TNFRSF8: variants seen among roughly 807,000 people sequenced by gnomAD.
TNFRSF8 encodes tumor necrosis factor receptor superfamily member 8.
Under a neutral mutation model 70.8 loss-of-function variants are expected in TNFRSF8, and 26 were observed. The ratio of observed to expected loss-of-function variants is 0.37; its 90% CI spans 0.27 to 0.51. The LOEUF is 0.51. TNFRSF8 is among the 20% of genes least tolerant of loss of function. TNFRSF8 has a pLI of 0.94. For missense variants in TNFRSF8, 720 were observed against 807.9 expected (o/e 0.89, Z 1.32); for synonymous variants, 356 against 339.2 (o/e 1.05, Z -0.54).
intron 3 of TNFRSF8, 32 bp downstream of exon 3, chr1:12,097,249 T>C (rs1641347359): frequency 6.4e-7 from 1 of 1,551,514 alleles, no homozygotes. Flanking sequence ...CAGGGCCTCC[T>C]TCTAGGGAGC....
intron 12 of TNFRSF8, among the ~76,000 whole-genome samples, chr1:12,131,266 A>G (rs909033747): frequency 2.0e-5 from 3 of 152,140 alleles, no homozygotes; most frequent in Admixed American, 2.0e-4. Flanking sequence ...CCTGGCCAAC[A>G]AGACAAAACC....
At chr1:12,135,202 G>C (rs12120732) in intron 12 of TNFRSF8, among the ~76,000 whole-genome samples, 1 of 151,910 alleles carries the variant, frequency 6.6e-6, no homozygotes, top group African/African-American at 2.4e-5. Flanking sequence ...TATAATCCCA[G>C]CTATTCGGGA....
In TNFRSF8 at chr1:12,141,416, C is replaced by T. The variant is rs528490980; in HGVS notation, c.1544-871C>T. On this transcript the variant is annotated intron_variant, in intron 14 of 14. Coordinates refer to ENST00000263932, the MANE Select transcript of TNFRSF8 (RefSeq NM_001243.5). This position sits in a 1 kb window ranked among gnomAD's most constrained non-coding sequence, Gnocchi z 5.4. Reference sequence around the variant, plus strand: ...ATGTCCCCTCTATCAGAAGGCCACACCAGAAGCCCCCACATCAGACTGTGG... The same window carrying T: ...ATGTCCCCTCTATCAGAAGGCCACATCAGAAGCCCCCACATCAGACTGTGG... Among the ~76,000 whole-genome samples the T allele has an allele frequency of 7.9e-5, 12 of 152,364 alleles. No homozygotes were observed. In the South Asian group the frequency reaches 2.5e-3, roughly 32 times the overall value.
chr1:12,114,710 TTTTTTTTTTTTTTA>T (rs1264690547), intron 7 of TNFRSF8, among the ~76,000 whole-genome samples: 3 of 138,676 alleles, frequency 2.2e-5, no homozygotes, highest in African/African-American at 8.4e-5. Context: ...TTTTTTTTTT[TTTTTTTTTTTTTTA>T]AATAGACAGA....
At chr1:12,136,136 A>C (rs573009726) in intron 13 of TNFRSF8, among the ~76,000 whole-genome samples, 2 of 151,998 alleles carry the variant, frequency 1.3e-5, no homozygotes, top group South Asian at 4.1e-4. Flanking sequence ...TTCATACATT[A>C]AGAAGGGTTT....
At position 12,108,641 on chromosome 1, in the gene TNFRSF8, C is replaced by T. The variant is rs1310173469; in HGVS notation, c.422-925C>T. ...TTCGAGACCAGCCTGGCCAACATGG[C>T]GAAACCCTGTCTCTACTAAAAATTA... is the stretch of plus-strand genomic sequence containing the variant. On this transcript the variant is annotated intron_variant, in intron 4 of 14. Transcript: ENST00000263932. This position sits in a 1 kb window ranked among gnomAD's most constrained non-coding sequence, Gnocchi z 4.0. Among the ~76,000 whole-genome samples, 17 of 152,006 alleles carry T rather than the reference C, an allele frequency of 1.1e-4. No homozygotes were observed. The highest frequency in any genetic ancestry group is 2.9e-4 in the African/African-American group (12 of 41,398).
In TNFRSF8 at chr1:12,141,813, C is replaced by A. The variant is rs1041241494; in HGVS notation, c.1544-474C>A. On this transcript the variant is annotated intron_variant, in intron 14 of 14. Coordinates refer to ENST00000263932, the MANE Select transcript of TNFRSF8 (RefSeq NM_001243.5). The surrounding 1 kb of genome is among the most constrained non-coding windows in gnomAD (Gnocchi z 5.4). ...TGGGGGATTTCTCCTAACTACGTGG[C>A]GACCTTGGGCAGGTCATTTAACCTC... 6.6e-6 allele frequency among the ~76,000 whole-genome samples: 1 copy of A among 152,118 alleles called. No homozygotes were observed. Among genetic ancestry groups the A allele is most frequent in the Non-Finnish European group, 1.5e-5 (1 of 68,018 alleles).
chr1:12,112,741 C>T lies in TNFRSF8; in HGVS notation c.793+727C>T, dbSNP rs899516455. 3.3e-5 allele frequency among the ~76,000 whole-genome samples: 5 copies of T among 152,146 alleles called. No individual in the cohort carries two copies. The highest frequency in any genetic ancestry group is 5.9e-5 in the Non-Finnish European group (4 of 68,024). On this transcript the variant is annotated intron_variant, in intron 7 of 14. Transcript: ENST00000263932. This position sits in a 1 kb window ranked among gnomAD's most constrained non-coding sequence, Gnocchi z 5.3. ...ACTTACTGAGTGCACAGACACAGCA[C>T]GATGCAGGTGTGGGGCTTCCCTGTG...
Position 12,110,827 on chromosome 1 carries a change from A to T in TNFRSF8, c.676+623A>T, listed in dbSNP as rs1641616397. On this transcript the variant is annotated intron_variant, in intron 6 of 14. Coordinates refer to ENST00000263932, the MANE Select transcript of TNFRSF8 (RefSeq NM_001243.5). This position sits in a 1 kb window ranked among gnomAD's most constrained non-coding sequence, Gnocchi z 4.0. ...TGGTCAGGCTGGTCTCGAACTCCCGACCTCAGGTGATCCGCCCACCTCGGC... is the reference window on the plus strand; with the variant it reads ...TGGTCAGGCTGGTCTCGAACTCCCGTCCTCAGGTGATCCGCCCACCTCGGC... Among the ~76,000 whole-genome samples the T allele has an allele frequency of 6.6e-6, 1 of 150,942 alleles. No individual in the cohort carries two copies. The highest frequency in any genetic ancestry group is 1.5e-5 in the Non-Finnish European group (1 of 67,892).
At chr1:12,131,535 A>G (rs985260190) in intron 12 of TNFRSF8, among the ~76,000 whole-genome samples, 52 of 152,062 alleles carry the variant, frequency 3.4e-4, no homozygotes, top group Non-Finnish European at 1.3e-4. Context: ...TTTTGGAGAC[A>G]GGGTGTCACT....
chr1:12,138,156 AG>A lies in TNFRSF8; in HGVS notation c.1336-69del. On this transcript the variant is annotated intron_variant, in intron 13 of 14. Coordinates refer to ENST00000263932, the MANE Select transcript of TNFRSF8 (RefSeq NM_001243.5). This position sits in a 1 kb window ranked among gnomAD's most constrained non-coding sequence, Gnocchi z 5.7. Reference sequence around the variant, plus strand: ...GGGGTCTGTAGAGATGAAAAAAAAAAGGGGCCTCCCAGTTCAGAGACTGGTG... The same window carrying A: ...GGGGTCTGTAGAGATGAAAAAAAAAAGGGCCTCCCAGTTCAGAGACTGGTG... 1 of 1,485,736 alleles carries A rather than the reference AG, an allele frequency of 6.7e-7. No individual in the cohort carries two copies. The allele number at this position is 1,485,736 out of a possible 1,614,324, so 92.0% of individuals were successfully genotyped here.
rs988360512 is a variant in TNFRSF8 at position 12,092,994 on chromosome 1, C to T, written c.152-4107C>T. On this transcript the variant is annotated intron_variant, in intron 2 of 14. Transcript: ENST00000263932. ...CTAATTTTTGTATTTTTAGTAGAGACGGGGTTTCGCTATGTTGGCCAGGGT... is the reference window on the plus strand; with the variant it reads ...CTAATTTTTGTATTTTTAGTAGAGATGGGGTTTCGCTATGTTGGCCAGGGT... 4.3e-4 allele frequency among the ~76,000 whole-genome samples: 66 copies of T among 151,954 alleles called. 1 individual carries two copies. The highest frequency in any genetic ancestry group is 1.0e-4 in the Non-Finnish European group (7 of 67,978).
intron 14 of TNFRSF8, among the ~76,000 whole-genome samples, chr1:12,139,881 C>T (rs1642221475): frequency 6.6e-6 from 1 of 152,234 alleles, no homozygotes; most frequent in Non-Finnish European, 1.5e-5. Flanking sequence ...AGGTGATCTG[C>T]CTGCCTTGGC....
rs185286162 is a variant in TNFRSF8, at chr1:12,140,572, C to T, written c.1544-1715C>T. Among the ~76,000 whole-genome samples, 617 of 152,284 alleles carry T rather than the reference C, an allele frequency of 4.1e-3. 5 individuals are homozygous for T. The highest frequency in any genetic ancestry group is 0.014 in the African/African-American group (574 of 41,552). ...TAGGCAGCCTGTGATGGGGGCAGAG[C>T]CAGAGCGGGGCAGACCCCTCATGGC... On this transcript the variant is annotated intron_variant, in intron 14 of 14. Coordinates refer to ENST00000263932, the MANE Select transcript of TNFRSF8 (RefSeq NM_001243.5).
intron 2 of TNFRSF8, among the ~76,000 whole-genome samples, chr1:12,084,872 G>A (rs781650336): frequency 6.6e-5 from 10 of 152,126 alleles, no homozygotes; most frequent in Non-Finnish European, 1.0e-4. Flanking sequence ...ATCTCATTAA[G>A]TGCTTGCAAT....
chr1:12,087,864 C>G (rs756868845), intron 2 of TNFRSF8, among the ~76,000 whole-genome samples: 4 of 152,186 alleles, frequency 2.6e-5, no homozygotes, highest in Non-Finnish European at 4.4e-5. Context: ...CTCCCCACTT[C>G]CCCTCTCTAA....
intron 8 of TNFRSF8, among the ~76,000 whole-genome samples, chr1:12,118,106 T>TC (rs141071764): frequency 0.036 from 4,692 of 130,504 alleles, 222 homozygotes; most frequent in East Asian, 0.26. Flanking sequence ...AGCATAACCC[T>TC]CCCCCCCCAC....
Position 12,110,265 on chromosome 1 carries a change from T to C in TNFRSF8, c.676+61T>C, listed in dbSNP as rs1432503838. ...GGGTGCTCGATTGGTGGATGGCCCA[T>C]GAGTGGGGGTGTTTGGAGCAGGCGG... On this transcript the variant is annotated intron_variant, in intron 6 of 14. Coordinates refer to ENST00000263932, the MANE Select transcript of TNFRSF8 (RefSeq NM_001243.5). The surrounding 1 kb of genome is among the most constrained non-coding windows in gnomAD (Gnocchi z 4.0). The C allele has an allele frequency of 1.8e-5, 26 of 1,482,946 alleles. No individual in the cohort carries two copies. Among genetic ancestry groups the C allele is most frequent in the Admixed American group, 2.2e-5 (1 of 45,642 alleles). The allele number at this position is 1,482,946 out of a possible 1,614,324, so 91.9% of individuals were successfully genotyped here.
chr1:12,075,736 GA>G (rs1261479777), intron 1 of TNFRSF8, among the ~76,000 whole-genome samples: 1 of 152,216 alleles, frequency 6.6e-6, no homozygotes, highest in African/African-American at 2.4e-5. Flanking sequence ...GACAGAGCAG[GA>G]GCGTCACCAT....
Sources: allele counts gnomAD v4.1 joint callset (sites outside exome capture counted in the v4.1 genomes callset), GRCh38; gene constraint gnomAD v4.1.1; non-coding constraint Gnocchi (gnomAD v3.1); transcripts MANE v1.5; gene names NCBI Gene and HGNC (gene_info 2026-07-23, HGNC 2026-07-21).